ZNF609: variants seen among roughly 807,000 people sequenced by gnomAD.
ZNF609 encodes zinc finger protein 609.
In ZNF609, 11 loss-of-function variants were observed where a neutral mutation model predicts 109.5. The observed-to-expected ratio is 0.10, with a 90% CI of 0.06 to 0.17. The LOEUF (loss-of-function observed/expected upper bound fraction) is 0.17, where lower values mean the gene tolerates loss of function less well. Ranked by LOEUF, ZNF609 falls within the 10% of genes least tolerant of loss-of-function variation. The pLI, the probability that ZNF609 is intolerant of heterozygous loss-of-function variation, is 1.00. For missense variants in ZNF609, 1,559 were observed against 1,772.4 expected, an observed-to-expected ratio of 0.88 and a Z score of 2.16; for synonymous variants, 646 against 662.0, an observed-to-expected ratio of 0.98 and a Z score of 0.37.
chr15:64,513,033 ATAAAT>A (rs556327102), intron 2 of ZNF609, among the ~76,000 whole-genome samples: 44 of 152,126 alleles, frequency 2.9e-4, no homozygotes, highest in Admixed American at 2.5e-3. Flanking sequence ...AATTTTAATA[ATAAAT>A]TAATATAAAA....
chr15:64,588,796 G>A (rs1453732025), intron 2 of ZNF609, among the ~76,000 whole-genome samples: 3 of 151,850 alleles, frequency 2.0e-5, no homozygotes, highest in Non-Finnish European at 4.4e-5. Flanking sequence ...GTGTCACTAC[G>A]TCTGGCTAAT....
chr15:64,585,835 TTTTGTTTTTTTG>T (rs1347901361), intron 2 of ZNF609, among the ~76,000 whole-genome samples: 2 of 152,126 alleles, frequency 1.3e-5, no homozygotes, highest in Non-Finnish European at 2.9e-5. Context: ...ATTTTTTACT[TTTTGTTTTTTTG>T]TTTGGTTTTG....
At chr15:64,601,752 T>C (rs547147205) in intron 2 of ZNF609, among the ~76,000 whole-genome samples, 1 of 152,322 alleles carries the variant, frequency 6.6e-6, no homozygotes, top group Non-Finnish European at 1.5e-5. Context: ...TTTTCAAAAT[T>C]GCAGACCATA....
In ZNF609 at chr15:64,686,031, A is replaced by G. The variant is rs902686515; in HGVS notation, c.*4345A>G. ...AATATATTTTTAAATTATTTGTTGT[A>G]TTTATTGAATAAAGTTTTTAATGTC... On this transcript the variant is annotated 3_prime_UTR_variant, in exon 10 of 10. Coordinates refer to ENST00000326648, the MANE Select transcript of ZNF609 (RefSeq NM_015042.2). 2.0e-5 allele frequency: 3 copies of G among 151,950 alleles called. No individual in the cohort carries two copies. The highest frequency in any genetic ancestry group is 7.3e-5 in the African/African-American group (3 of 41,336). The allele number at this position is 151,950 out of a possible 1,614,324, so 9.4% of individuals were successfully genotyped here.
In ZNF609 at chr15:64,683,533, C is replaced by G. The variant is rs542095013; in HGVS notation, c.*1847C>G. On this transcript the variant is annotated 3_prime_UTR_variant, in exon 10 of 10. Transcript: ENST00000326648. ...TTGTTTTAGACCTCTTGGCAGGGCC[C>G]CAAAACAGCCTCCCTCATACCCATC... 1.3e-5 allele frequency: 2 copies of G among 152,378 alleles called. 1 individual carries two copies. The highest frequency in any genetic ancestry group is 4.8e-5 in the African/African-American group (2 of 41,438). The allele number at this position is 152,378 out of a possible 1,614,324, so 9.4% of individuals were successfully genotyped here.
At chr15:64,606,769 G>T (rs111384275) in intron 2 of ZNF609, among the ~76,000 whole-genome samples, 1 of 151,974 alleles carries the variant, frequency 6.6e-6, no homozygotes, top group Non-Finnish European at 1.5e-5. Flanking sequence ...TTGGGAGGCC[G>T]AGGCAGGAGG....
intron 2 of ZNF609, among the ~76,000 whole-genome samples, chr15:64,604,820 T>G (rs565010857): frequency 9.2e-5 from 14 of 152,022 alleles, no homozygotes; most frequent in African/African-American, 2.2e-4. Flanking sequence ...TATTTAGTTA[T>G]TTATTCATTT....
intron 3 of ZNF609, among the ~76,000 whole-genome samples, chr15:64,625,731 A>G (rs1177676212): frequency 6.7e-6 from 1 of 150,226 alleles, no homozygotes; most frequent in African/African-American, 2.5e-5. Context: ...TCTACTAAAA[A>G]TACAAAAATT....
chr15:64,611,883 C>T (rs1188680514), intron 2 of ZNF609, among the ~76,000 whole-genome samples: 2 of 151,768 alleles, frequency 1.3e-5, no homozygotes, highest in Non-Finnish European at 2.9e-5. Context: ...CAGGCTCCCG[C>T]CACCATGCCC....
At chr15:64,506,723 G>A (rs1317836006) in intron 2 of ZNF609, among the ~76,000 whole-genome samples, 40 of 146,272 alleles carry the variant, frequency 2.7e-4, no homozygotes, top group East Asian at 4.0e-4. Context: ...TCTGTCTCAA[G>A]AAAAAAAAAA....
chr15:64,572,003 AG>A (rs1316268874), intron 2 of ZNF609, among the ~76,000 whole-genome samples: 1 of 152,150 alleles, frequency 6.6e-6, no homozygotes, highest in Non-Finnish European at 1.5e-5. Context: ...TATTCTACTT[AG>A]TGTTGCTGGA....
intron 2 of ZNF609, among the ~76,000 whole-genome samples, chr15:64,531,163 T>A (rs1313066684): frequency 6.6e-6 from 1 of 152,120 alleles, no homozygotes; most frequent in East Asian, 1.9e-4. Flanking sequence ...TTTAGCACTT[T>A]GTGATATTAT....
chr15:64,611,910 T>G (rs1381046819), intron 2 of ZNF609, among the ~76,000 whole-genome samples: 1 of 150,526 alleles, frequency 6.6e-6, no homozygotes, highest in African/African-American at 2.4e-5. Context: ...TTTTTTTTTG[T>G]ATTTTTTGTA....
At chr15:64,621,302 T>G (rs1895872056) in intron 2 of ZNF609, among the ~76,000 whole-genome samples, 1 of 152,162 alleles carries the variant, frequency 6.6e-6, no homozygotes, top group South Asian at 2.1e-4. Context: ...GTCAGCCTCA[T>G]AAATTCTGGG....
At chr15:64,600,408 C>T (rs1190934812) in intron 2 of ZNF609, among the ~76,000 whole-genome samples, 10 of 147,792 alleles carry the variant, frequency 6.8e-5, no homozygotes, top group Non-Finnish European at 1.5e-4. Context: ...AGAGAATGCG[C>T]CACTGCACTC....
At chr15:64,578,513 T>A (rs577299335) in intron 2 of ZNF609, among the ~76,000 whole-genome samples, 1 of 152,080 alleles carries the variant, frequency 6.6e-6, no homozygotes, top group African/African-American at 2.4e-5. Context: ...ACCAACATGG[T>A]GAATCCCCGT....
chr15:64,547,574 A>C (rs541444153), intron 2 of ZNF609, among the ~76,000 whole-genome samples: 30 of 152,298 alleles, frequency 2.0e-4, no homozygotes, highest in African/African-American at 6.5e-4. Context: ...TCTGGCTCAT[A>C]AGAAGTACTT....
At chr15:64,461,327 G>T (rs968175250) in intron 1 of ZNF609, among the ~76,000 whole-genome samples, 2 of 151,916 alleles carry the variant, frequency 1.3e-5, no homozygotes, top group African/African-American at 4.8e-5. Flanking sequence ...CAGTAAGTAG[G>T]TTGTGGGTGT....
chr15:64,547,422 A>G (rs1353204251), intron 2 of ZNF609, among the ~76,000 whole-genome samples: 3 of 152,210 alleles, frequency 2.0e-5, no homozygotes, highest in Non-Finnish European at 2.9e-5. Flanking sequence ...GTAAACCATG[A>G]ATATAAAGTG....
Sources: gnomAD v4.1 joint callset for allele counts (sites outside exome capture counted in the v4.1 genomes callset) on GRCh38, gnomAD v4.1.1 for gene constraint, MANE v1.5 for transcripts, NCBI Gene and HGNC (gene_info 2026-07-23, HGNC 2026-07-21) for gene names.